Variants in MSRA observed in about 807,000 individuals in gnomAD.
MSRA encodes the protein methionine sulfoxide reductase A.
Under a neutral mutation model 31.3 loss-of-function variants are expected in MSRA, and 54 were observed. The observed-to-expected ratio is 1.73, with a 90% CI of 1.39 to 2.17. MSRA has a LOEUF of 2.17. MSRA is among the 30% of genes most tolerant of loss of function. The pLI is 0.00. For synonymous variants in MSRA, 169 were observed against 116.5 expected, an observed-to-expected ratio of 1.45 and a Z score of -2.90; for missense variants, 507 against 300.9, an observed-to-expected ratio of 1.69 and a Z score of -5.07.
chr8:10,410,267 T>C (rs1220103664), intron 5 of MSRA, among the ~76,000 whole-genome samples: 2 of 152,132 alleles, frequency 1.3e-5, no homozygotes, highest in Non-Finnish European at 2.9e-5. Flanking sequence ...GCCAACAGGC[T>C]AGGTCTTCCA....
At chr8:10,199,417 T>G (rs1808298674) in intron 1 of MSRA, among the ~76,000 whole-genome samples, 1 of 152,180 alleles carries the variant, frequency 6.6e-6, no homozygotes, top group Non-Finnish European at 1.5e-5. Flanking sequence ...CCTCCCGGGT[T>G]CAAGTGATTC....
Position 10,357,822 on chromosome 8 carries a change from G to A in MSRA, c.543+37833G>A, listed in dbSNP as rs142421025. Among the ~76,000 whole-genome samples the A allele has an allele frequency of 3.0e-3, 464 of 152,306 alleles. 4 individuals carry two copies. The highest frequency in any genetic ancestry group is 0.01 in the African/African-American group (432 of 41,572). On this transcript the variant is annotated intron_variant, in intron 5 of 5. Coordinates refer to ENST00000317173, the MANE Select transcript of MSRA (RefSeq NM_012331.5). Reference sequence around the variant, plus strand: ...GGAGGGAGGGGTGTTATCAAATACTGTGAGTTCAAACTGATATTTCAGACT... The same window carrying A: ...GGAGGGAGGGGTGTTATCAAATACTATGAGTTCAAACTGATATTTCAGACT...
At chr8:10,253,836 A>G (rs1466903422) in intron 3 of MSRA, among the ~76,000 whole-genome samples, 2 of 152,162 alleles carry the variant, frequency 1.3e-5, no homozygotes, top group African/African-American at 4.8e-5. Flanking sequence ...TTAGAGCCTT[A>G]GAATAAAGGT....
At chr8:10,208,661 G>T (rs557543476) in intron 2 of MSRA, among the ~76,000 whole-genome samples, 23 of 152,016 alleles carry the variant, frequency 1.5e-4, no homozygotes, top group African/African-American at 5.6e-4. Flanking sequence ...GTTCATCCCT[G>T]TGTTACCCAC....
chr8:10,066,163 A>T (rs2128915245), intron 1 of MSRA, among the ~76,000 whole-genome samples: 1 of 152,162 alleles, frequency 6.6e-6, no homozygotes, highest in East Asian at 1.9e-4. Flanking sequence ...AGCTGGGATT[A>T]CAGGCGCCCA....
At chr8:10,107,840 C>G (rs1013377155) in intron 1 of MSRA, among the ~76,000 whole-genome samples, 1 of 152,120 alleles carries the variant, frequency 6.6e-6, no homozygotes, top group Non-Finnish European at 1.5e-5. Context: ...AGAACTGTAC[C>G]TAAATTATCC....
In MSRA at chr8:10,120,397, G is replaced by A. The variant is rs377131150; in HGVS notation, c.142+65739G>A. Among the ~76,000 whole-genome samples the A allele has an allele frequency of 2.6e-5, 4 of 152,254 alleles. No homozygotes were observed. In the East Asian group the frequency reaches 5.8e-4, roughly 22 times the overall value. On this transcript the variant is annotated intron_variant, in intron 1 of 5. Coordinates refer to ENST00000317173, the MANE Select transcript of MSRA (RefSeq NM_012331.5). ...TCTAAGACCTGTAATTTGCCCATCC[G>A]TGTCTGGTTTCTGACACTGGCACCC...
chr8:10,096,143 CAGAGTA>C, intron 1 of MSRA: 1 of 1,242,332 alleles, frequency 8.0e-7, no homozygotes, highest in Non-Finnish European at 1.0e-6. Context: ...GCCAGGAAGT[CAGAGTA>C]AAAGTTGTTT....
At chr8:10,224,963 A>G (rs1810865226) in intron 2 of MSRA, among the ~76,000 whole-genome samples, 1 of 152,028 alleles carries the variant, frequency 6.6e-6, no homozygotes, top group African/African-American at 2.4e-5. Context: ...GCATGGCAAA[A>G]CCCATCTCTA....
rs186495161 is a variant in MSRA, at chr8:10,130,708, C to G, written c.142+76050C>G. ...ACAGTGCCAGTAATAGCACGGGGCT[C>G]TATTTCTCACAGTGCTTTTGAAGGC... On this transcript the variant is annotated intron_variant, in intron 1 of 5. Coordinates refer to ENST00000317173, the MANE Select transcript of MSRA (RefSeq NM_012331.5). Among the ~76,000 whole-genome samples, 17 of 152,292 alleles carry G rather than the reference C, an allele frequency of 1.1e-4. No individual in the cohort carries two copies. The East Asian group carries it at 2.5e-3, about 22-fold the overall frequency.
At chr8:10,340,758 C>A (rs1176647521) in intron 5 of MSRA, among the ~76,000 whole-genome samples, 2 of 152,220 alleles carry the variant, frequency 1.3e-5, no homozygotes, top group Non-Finnish European at 2.9e-5. Flanking sequence ...CAAGTACCTC[C>A]GTATTCAAGG....
chr8:10,077,257 C>G (rs768747016), intron 1 of MSRA, among the ~76,000 whole-genome samples: 2 of 152,042 alleles, frequency 1.3e-5, no homozygotes, highest in Admixed American at 6.5e-5. Flanking sequence ...GGCACCATGG[C>G]CAGGTGGGAA....
intron 1 of MSRA, among the ~76,000 whole-genome samples, chr8:10,172,575 C>T (rs1234715828): frequency 1.3e-5 from 2 of 151,970 alleles, no homozygotes; most frequent in Non-Finnish European, 2.9e-5. Context: ...GAATATTTGA[C>T]CTAAAAATAA....
At chr8:10,395,633 C>T (rs1027864512) in intron 5 of MSRA, among the ~76,000 whole-genome samples, 16 of 152,122 alleles carry the variant, frequency 1.1e-4, no homozygotes, top group African/African-American at 3.6e-4. Context: ...GCTTGGCATG[C>T]GAACAGTTTT....
At chr8:10,228,368 C>T (rs1038381949) in intron 2 of MSRA, among the ~76,000 whole-genome samples, 2 of 152,192 alleles carry the variant, frequency 1.3e-5, no homozygotes, top group Admixed American at 6.5e-5. Flanking sequence ...CCTGACTCTA[C>T]GTGTACTTTA....
intron 1 of MSRA, among the ~76,000 whole-genome samples, chr8:10,102,597 A>G (rs1799607757): frequency 6.6e-6 from 1 of 152,206 alleles, no homozygotes; most frequent in African/African-American, 2.4e-5. Flanking sequence ...CAATGTTGGC[A>G]TCTCTTGACT....
At chr8:10,268,009 A>AATG (rs1279773262) in intron 3 of MSRA, among the ~76,000 whole-genome samples, 1 of 152,168 alleles carries the variant, frequency 6.6e-6, no homozygotes, top group Non-Finnish European at 1.5e-5. Flanking sequence ...CCTGCGTCAC[A>AATG]ATGATGGCTT....
intron 3 of MSRA, among the ~76,000 whole-genome samples, chr8:10,275,721 G>T (rs1002285239): frequency 6.6e-6 from 1 of 152,094 alleles, no homozygotes; most frequent in Admixed American, 6.5e-5. Context: ...ACTTGCAGTC[G>T]GTCGACTCTG....
intron 4 of MSRA, among the ~76,000 whole-genome samples, chr8:10,317,536 C>G (rs1167073096): frequency 1.3e-5 from 2 of 152,184 alleles, no homozygotes; most frequent in African/African-American, 4.8e-5. Flanking sequence ...GGAGAAATCT[C>G]AAGCAGTTGG....
Sources: gnomAD v4.1 joint callset for allele counts (sites outside exome capture counted in the v4.1 genomes callset) on GRCh38, gnomAD v4.1.1 for gene constraint, MANE v1.5 for transcripts, NCBI Gene and HGNC (gene_info 2026-07-23, HGNC 2026-07-21) for gene names.